Variants in ADAMTS20 observed in about 807,000 individuals in gnomAD.
ADAMTS20 encodes the protein ADAM metallopeptidase with thrombospondin type 1 motif 20, also known as A disintegrin and metalloproteinase with thrombospondin motifs 20.
ADAMTS20 carries 225 observed loss-of-function variants against 260.1 expected under a neutral mutation model. The observed-to-expected ratio is 0.87, with a 90% CI of 0.78 to 0.97. The LOEUF (loss-of-function observed/expected upper bound fraction) is 0.97, where lower values mean the gene tolerates loss of function less well. Among genes scored for constraint, ADAMTS20 ranks in the 50% least tolerant of loss-of-function variants. ADAMTS20 has a pLI of 0.00. For synonymous variants in ADAMTS20, 802 were observed against 769.5 expected (o/e 1.04, Z -0.70); for missense variants, 2,400 against 2,337.7 (o/e 1.03, Z -0.55).
chr12:43,472,245 G>A (rs1942277498), intron 7 of ADAMTS20, among the ~76,000 whole-genome samples: 2 of 151,798 alleles, frequency 1.3e-5, no homozygotes, highest in Non-Finnish European at 2.9e-5. Flanking sequence ...AGTGATGGAA[G>A]ATGAAATGAA....
chr12:43,380,552 TA>T (rs948408638), intron 31 of ADAMTS20, among the ~76,000 whole-genome samples: 3 of 152,052 alleles, frequency 2.0e-5, no homozygotes, highest in Admixed American at 2.0e-4. Flanking sequence ...ATCCACACAC[TA>T]AATAATTAAA....
intron 14 of ADAMTS20, 94 bp from the exon 15 acceptor site, chr12:43,446,806 G>C (rs1261298849): frequency 9.8e-7 from 1 of 1,023,228 alleles, no homozygotes; most frequent in African/African-American, 1.6e-5. Flanking sequence ...ATGACAAAGG[G>C]GATTTACCAC....
intron 15 of ADAMTS20, among the ~76,000 whole-genome samples, chr12:43,446,388 G>A (rs190561362): frequency 1.3e-5 from 2 of 152,178 alleles, no homozygotes; most frequent in East Asian, 3.9e-4. Context: ...ATTTGCCTGG[G>A]GCAGGTGAAT....
chr12:43,396,227 T>C (rs934733653), intron 29 of ADAMTS20, among the ~76,000 whole-genome samples: 1 of 152,088 alleles, frequency 6.6e-6, no homozygotes, highest in African/African-American at 2.4e-5. Context: ...GATACAAATA[T>C]CAAATGAAGA....
At chr12:43,453,106 T>C (rs111823584) in intron 12 of ADAMTS20, among the ~76,000 whole-genome samples, 1 of 152,214 alleles carries the variant, frequency 6.6e-6, no homozygotes, top group African/African-American at 2.4e-5. Context: ...ATCTTATTTA[T>C]CACTCAATTC....
At chr12:43,415,926 T>C (rs1034504106) in intron 28 of ADAMTS20, among the ~76,000 whole-genome samples, 3 of 152,224 alleles carry the variant, frequency 2.0e-5, no homozygotes, top group African/African-American at 7.2e-5. Context: ...CAATGTGTAA[T>C]CCTAGTGCTC....
At chr12:43,358,921 GAAGT>G (rs763249588) in intron 37 of ADAMTS20, among the ~76,000 whole-genome samples, 5 of 148,210 alleles carry the variant, frequency 3.4e-5, no homozygotes, top group African/African-American at 1.0e-4. Context: ...TAGGATTTTA[GAAGT>G]AATAAATAAG....
chr12:43,399,334 T>A, intron 28 of ADAMTS20, 101 bp from the exon 29 acceptor site: 1 of 1,060,892 alleles, frequency 9.4e-7, no homozygotes. Flanking sequence ...ATAATTCCTT[T>A]GATATTTTTA....
rs945352332 is a variant in ADAMTS20, at chr12:43,375,309, C to T, written c.5446+70G>A. 9.3e-6 allele frequency: 14 copies of T among 1,507,316 alleles called. No homozygotes were observed. In the African/African-American group the frequency reaches 1.8e-4, roughly 20 times the overall value. 93.4% of individuals were successfully genotyped at this position (1,507,316 alleles called of 1,614,324 possible). ...CTCTGTACCCTGGCTACAACATATA[C>T]CAACATATTGTTTGACGTTCATAAG... On this transcript the variant is annotated intron_variant, in intron 36 of 38. Coordinates refer to ENST00000389420, the MANE Select transcript of ADAMTS20 (RefSeq NM_025003.5).
chr12:43,370,704 T>C (rs1298051626), intron 36 of ADAMTS20, among the ~76,000 whole-genome samples: 1 of 152,196 alleles, frequency 6.6e-6, no homozygotes, highest in East Asian at 1.9e-4. Flanking sequence ...GCTAAATGCA[T>C]TATCTTTTTC....
intron 2 of ADAMTS20, among the ~76,000 whole-genome samples, chr12:43,536,834 C>A (rs1429234824): frequency 6.6e-6 from 1 of 152,146 alleles, no homozygotes; most frequent in Non-Finnish European, 1.5e-5. Flanking sequence ...CAGAATCACA[C>A]AAATATATTT....
Position 43,439,742 on chromosome 12 carries a change from C to A in ADAMTS20, c.2473G>T (p.Val825Leu), listed in dbSNP as rs777169348. 1.9e-5 allele frequency: 31 copies of A among 1,608,196 alleles called. No individual in the cohort carries two copies. The highest frequency in any genetic ancestry group is 2.6e-5 in the Non-Finnish European group (31 of 1,177,566). The change falls in exon 18 of 39, where the codon GTG becomes TTG. Residue 825 changes from valine (V) to leucine (L), a missense_variant. Coordinates refer to ENST00000389420, the MANE Select transcript of ADAMTS20 (RefSeq NM_025003.5). ...EKELILQVLC[V>L]GNLYNPDVHY... ...ACATCAGGGTTGTATAAATTACCCA[C>A]ACACAACACCTCAATAAGAATATAA...
At position 43,472,077 on chromosome 12, in the gene ADAMTS20, GA is replaced by G. The variant is rs1213921085; in HGVS notation, c.1118-3373del. 2.6e-5 allele frequency among the ~76,000 whole-genome samples: 4 copies of G among 151,522 alleles called. No individual in the cohort carries two copies. In the East Asian group the frequency reaches 7.9e-4, roughly 30 times the overall value. On this transcript the variant is annotated intron_variant, in intron 7 of 38. Transcript: ENST00000389420. ...CATTCAAACCAAAGGCAGAGAAGTT[GA>G]AAACTTTGAAAAAAATTTAGAAGAA...
In ADAMTS20 at chr12:43,493,424, A is replaced by G. The variant is rs141734324; in HGVS notation, c.868-171T>C. Among the ~76,000 whole-genome samples, 97 of 152,286 alleles carry G rather than the reference A, an allele frequency of 6.4e-4. 2 individuals are homozygous for G. The highest frequency in any genetic ancestry group is 2.2e-3 in the African/African-American group (91 of 41,558). ...ATGTTCAGACCACATCCCTTACCAA[A>G]TAAATCAGAATCTGCAGGATTGAGA... On this transcript the variant is annotated intron_variant, in intron 4 of 38. Coordinates refer to ENST00000389420, the MANE Select transcript of ADAMTS20 (RefSeq NM_025003.5).
intron 35 of ADAMTS20, 132 bp from the exon 36 acceptor site, chr12:43,375,644 G>A: frequency 5.9e-6 from 6 of 1,022,212 alleles, no homozygotes; most frequent in Middle Eastern, 3.2e-4. Context: ...AAACAAGAAA[G>A]AAGCAAAAAT....
chr12:43,371,499 A>G (rs1940105919), intron 36 of ADAMTS20, among the ~76,000 whole-genome samples: 1 of 152,244 alleles, frequency 6.6e-6, no homozygotes, highest in Admixed American at 6.5e-5. Context: ...CTATGGAAAG[A>G]AAATAAAGCA....
intron 3 of ADAMTS20, among the ~76,000 whole-genome samples, chr12:43,514,036 G>A (rs1341679392): frequency 1.4e-5 from 2 of 143,030 alleles, no homozygotes; most frequent in African/African-American, 5.3e-5. Flanking sequence ...GTTGTGCACA[G>A]GTACCCTAAA....
chr12:43,411,237 A>G (rs1440751464), intron 28 of ADAMTS20, among the ~76,000 whole-genome samples: 1 of 152,210 alleles, frequency 6.6e-6, no homozygotes, highest in Non-Finnish European at 1.5e-5. Context: ...AATAAGTGTC[A>G]AAGTTTTATA....
chr12:43,538,294 C>T (rs1254620766), intron 2 of ADAMTS20, among the ~76,000 whole-genome samples: 1 of 152,166 alleles, frequency 6.6e-6, no homozygotes, highest in Non-Finnish European at 1.5e-5. Flanking sequence ...TTTCACATGC[C>T]TGTTTGCCAT....
Sources: gnomAD v4.1 joint callset for allele counts (sites outside exome capture counted in the v4.1 genomes callset) on GRCh38, gnomAD v4.1.1 for gene constraint, MANE v1.5 for transcripts, NCBI Gene and HGNC (gene_info 2026-07-23, HGNC 2026-07-21) for gene names.